Variants in ZNF415 observed in about 807,000 individuals in gnomAD.
The protein encoded by ZNF415 is zinc finger protein 415.
Under a neutral mutation model 7.3 loss-of-function variants are expected in ZNF415, and 5 were observed. The ratio of observed to expected loss-of-function variants is 0.69; its 90% CI spans 0.36 to 1.44. The LOEUF is 1.44. Among genes scored for constraint, ZNF415 ranks in the 40% most tolerant of loss-of-function variants. The pLI, the probability that ZNF415 is intolerant of heterozygous loss-of-function variation, is 0.04. For missense variants in ZNF415, 628 were observed against 664.8 expected, an observed-to-expected ratio of 0.94 and a Z score of 0.61; for synonymous variants, 207 against 226.3, an observed-to-expected ratio of 0.91 and a Z score of 0.77.
At chr19:53,114,677 C>T (rs981902152) in intron 3 of ZNF415, among the ~76,000 whole-genome samples, 3 of 152,158 alleles carry the variant, frequency 2.0e-5, no homozygotes, top group East Asian at 1.9e-4. Flanking sequence ...AAGACTAAGA[C>T]GTACTCCCTG....
intron 2 of ZNF415, among the ~76,000 whole-genome samples, chr19:53,119,959 A>C (rs550941157): frequency 6.6e-6 from 1 of 150,396 alleles, no homozygotes; most frequent in East Asian, 2.0e-4. Context: ...AATTCTATCA[A>C]ACTTTCAAAG....
rs1192578084 is a variant in ZNF415, at chr19:53,108,109, G to T, written c.*268C>A. 4.6e-6 allele frequency: 2 copies of T among 436,744 alleles called. No individual in the cohort carries two copies. The highest frequency in any genetic ancestry group is 8.0e-6 in the Non-Finnish European group (2 of 248,692). The allele number at this position is 436,744 out of a possible 1,614,324, so 27.1% of individuals were successfully genotyped here. A position where few individuals can be genotyped will look rare whatever the true frequency, so the allele number is the denominator to read the frequency against. ...TACACATTTTGATGTCTAGTGAGTT[G>T]TGAGACCTAAATGAAGCCTCTGCCA... On this transcript the variant is annotated 3_prime_UTR_variant, in exon 4 of 4. Coordinates refer to ENST00000243643, the MANE Select transcript of ZNF415 (RefSeq NM_018355.4).
rs781651288 is a variant in ZNF415 at position 53,109,379 on chromosome 19, G to C, written c.666C>G (p.Asp222Glu). ...TGTGTGAGCCATGATTCAAGGCTTT[G>C]TCGCACTCAATATATCTGTAAGGTT... ...REKPYRYIEC[D>E]KALNHGSHMT... The change falls in exon 4 of 4, where the codon GAC becomes GAG. Residue 222 changes from aspartate to glutamate, a missense_variant. Transcript: ENST00000243643. 5.0e-6 allele frequency: 8 copies of C among 1,614,128 alleles called. No individual in the cohort carries two copies. Among genetic ancestry groups the C allele is most frequent in the Non-Finnish European group, 5.9e-6 (7 of 1,179,996 alleles).
Position 53,122,702 on chromosome 19 carries a change from T to C in ZNF415, c.-26A>G. The C allele has an allele frequency of 6.2e-7, 1 of 1,614,172 alleles. No individual in the cohort carries two copies. Among genetic ancestry groups the C allele is most frequent in the Non-Finnish European group, 8.5e-7 (1 of 1,180,010 alleles). ...TCCTGACTCCTTTGCTCTCCTCTTC[T>C]GGGTTTCTTCCTCATGTGCCAGGAG... On this transcript the variant is annotated 5_prime_UTR_variant, in exon 2 of 4. Coordinates refer to ENST00000243643, the MANE Select transcript of ZNF415 (RefSeq NM_018355.4).
rs1237925261 is a variant in ZNF415 at position 53,108,470 on chromosome 19, T to C, written c.1575A>G (p.Lys525=). 4 of 1,614,186 alleles carry C rather than the reference T, an allele frequency of 2.5e-6. No individual in the cohort carries two copies. Among genetic ancestry groups the C allele is most frequent in the Non-Finnish European group, 3.4e-6 (4 of 1,180,018 alleles). ...QIIHTGKKPY[K]CSDCGKSFSV... ...TAAAGGACTTCCCACAATCACTACA[T>C]TTGTAAGGTTTCTTTCCAGTATGGA... Residue 525 remains lysine (K), a synonymous_variant, in exon 4 of 4, where the codon AAA becomes AAG. Coordinates refer to ENST00000243643, the MANE Select transcript of ZNF415 (RefSeq NM_018355.4).
rs777740609 is a variant in ZNF415, at chr19:53,122,414, T to A, written c.15+248A>T. ...CCACGGGACCCTCACCCCGTCTCCA[T>A]CCATGTCTGGGTGTGAGCCCTTCCC... On this transcript the variant is annotated intron_variant, in intron 2 of 3. Coordinates refer to ENST00000243643, the MANE Select transcript of ZNF415 (RefSeq NM_018355.4). 1.4e-5 allele frequency: 21 copies of A among 1,537,262 alleles called. No homozygotes were observed. The African/African-American group carries it at 2.6e-4, about 19-fold the overall frequency.
intron 1 of ZNF415, among the ~76,000 whole-genome samples, chr19:53,126,097 T>C (rs904078304): frequency 2.0e-5 from 3 of 150,300 alleles, no homozygotes; most frequent in African/African-American, 4.9e-5. Context: ...GTGACACTAG[T>C]GCACCCTCTG....
In ZNF415 at chr19:53,108,867, A is replaced by G; in HGVS notation, c.1178T>C (p.Phe393Ser). 1.2e-6 allele frequency: 2 copies of G among 1,614,116 alleles called. No homozygotes were observed. The highest frequency in any genetic ancestry group is 1.7e-6 in the Non-Finnish European group (2 of 1,179,972). ...PYKCNECGKV[F>S]SQTSSLARHW... ...CCTTGCAAGGCTTGAAGTCTGACTG[A>G]AGACTTTACCACATTCATTACACTT... The change falls in exon 4 of 4, where the codon TTC (phenylalanine) becomes TCC (serine). Residue 393 changes from phenylalanine to serine, a missense_variant. Physicochemically the swap from Phe to Ser is radical, Grantham distance 155. Transcript: ENST00000243643.
rs2085826498 is a variant in ZNF415 at position 53,109,116 on chromosome 19, C to T, written c.929G>A (p.Ser310Asn). The T allele has an allele frequency of 1.9e-6, 3 of 1,614,042 alleles. No homozygotes were observed. Among genetic ancestry groups the T allele is most frequent in the Non-Finnish European group, 1.7e-6 (2 of 1,180,028 alleles). The change falls in exon 4 of 4, where the codon AGT (serine) becomes AAT (asparagine). Residue 310 changes from serine to asparagine, a missense_variant. By Grantham distance (46) the Ser-to-Asn change is conservative. Coordinates refer to ENST00000243643, the MANE Select transcript of ZNF415 (RefSeq NM_018355.4). Reference protein sequence around the residue: ...YKCYECDKVFSRNSCLALHQK... With the variant: ...YKCYECDKVFNRNSCLALHQK... The stretch of plus-strand genomic sequence containing the variant: ...ATGTAGTGCAAGGCATGAATTTCGA[C>T]TGAAGACCTTGTCACACTCATAACA...
At chr19:53,125,105 G>C (rs1471957575) in intron 1 of ZNF415, among the ~76,000 whole-genome samples, 1 of 151,976 alleles carries the variant, frequency 6.6e-6, no homozygotes, top group East Asian at 1.9e-4. Flanking sequence ...GTGCAGTGGC[G>C]TGATCTCGGC....
chr19:53,109,141 A>C lies in ZNF415; in HGVS notation c.904T>G (p.Cys302Gly). 6.2e-7 allele frequency: 1 copy of C among 1,614,076 alleles called. No homozygotes were observed. Among genetic ancestry groups the C allele is most frequent in the South Asian group, 1.1e-5 (1 of 91,086 alleles). ...RVHTGEKPYK[C>G]YECDKVFSRN... ...CTGAAGACCTTGTCACACTCATAACATTTGTAAGGTTTCTCTCCAGTGTGA... is the reference window on the plus strand; with the variant it reads ...CTGAAGACCTTGTCACACTCATAACCTTTGTAAGGTTTCTCTCCAGTGTGA... The change falls in exon 4 of 4, where the codon TGT becomes GGT. Residue 302 changes from cysteine (C) to glycine (G), a missense_variant. Physicochemically the swap from Cys to Gly is radical, Grantham distance 159 (BLOSUM62 -3). Transcript: ENST00000243643.
chr19:53,125,718 T>C (rs2088957483), intron 1 of ZNF415, among the ~76,000 whole-genome samples: 1 of 151,830 alleles, frequency 6.6e-6, no homozygotes, highest in Non-Finnish European at 1.5e-5. Flanking sequence ...CCCAAGCAGA[T>C]CACGAGGTCG....
chr19:53,115,899 A>G (rs1178400342), intron 3 of ZNF415: 2 of 1,051,496 alleles, frequency 1.9e-6, no homozygotes, highest in Admixed American at 2.1e-5. Flanking sequence ...TTGCTTGGAT[A>G]AGAAGAGAGG....
chr19:53,131,757 T>C (rs2090104106), intron 1 of ZNF415, among the ~76,000 whole-genome samples: 1 of 152,148 alleles, frequency 6.6e-6, no homozygotes, highest in Non-Finnish European at 1.5e-5. Context: ...ATCTTTTCAT[T>C]GTCCCAGTCT....
At chr19:53,120,811 C>T (rs1568578300) in intron 2 of ZNF415, among the ~76,000 whole-genome samples, 2 of 152,000 alleles carry the variant, frequency 1.3e-5, no homozygotes, top group African/African-American at 2.4e-5. Context: ...CTTGGCTGGG[C>T]GCGGTGGCTC....
At chr19:53,116,081 C>T in intron 3 of ZNF415, 1 of 617,190 alleles carries the variant, frequency 1.6e-6, no homozygotes, top group Admixed American at 3.0e-5. Flanking sequence ...CTACCATAAG[C>T]TTTCATGGAT....
Position 53,108,354 on chromosome 19 carries a change from C to A in ZNF415, c.*23G>T. ...TCTTTGATGACTCACAGGATTTAAACTTTGACTGAAGACCTTGCCATATTA... is the reference window on the plus strand; with the variant it reads ...TCTTTGATGACTCACAGGATTTAAAATTTGACTGAAGACCTTGCCATATTA... On this transcript the variant is annotated 3_prime_UTR_variant, in exon 4 of 4. Transcript: ENST00000243643. The A allele has an allele frequency of 6.4e-7, 1 of 1,569,318 alleles. No individual in the cohort carries two copies.
At chr19:53,121,520 C>T (rs1395060636) in intron 2 of ZNF415, among the ~76,000 whole-genome samples, 3 of 152,088 alleles carry the variant, frequency 2.0e-5, no homozygotes, top group Admixed American at 6.6e-5. Flanking sequence ...CTTTGCCTCC[C>T]AGGTTCAAGT....
At chr19:53,117,350 A>C (rs1027317280) in intron 2 of ZNF415, among the ~76,000 whole-genome samples, 6 of 151,916 alleles carry the variant, frequency 3.9e-5, no homozygotes, top group Admixed American at 3.9e-4. Context: ...CTGAGGCAGG[A>C]GAATTGCTTG....
Sources: gnomAD v4.1 joint callset for allele counts (sites outside exome capture counted in the v4.1 genomes callset) on GRCh38, gnomAD v4.1.1 for gene constraint, MANE v1.5 for transcripts, NCBI Gene and HGNC (gene_info 2026-07-23, HGNC 2026-07-21) for gene names.